Variants in ROR2 observed in about 807,000 individuals in gnomAD.
The protein encoded by ROR2 is tyrosine-protein kinase transmembrane receptor ROR2.
ROR2 carries 33 observed loss-of-function variants against 74.9 expected under a neutral mutation model. That is an observed-to-expected ratio of 0.44 (90% CI 0.33 to 0.59). ROR2 has a LOEUF of 0.59. Among genes scored for constraint, ROR2 ranks in the 20% least tolerant of loss-of-function variants. ROR2 has a pLI of 0.02. For synonymous variants in ROR2, 586 were observed against 558.7 expected, an observed-to-expected ratio of 1.05 and a Z score of -0.69; for missense variants, 1,216 against 1,313.8, an observed-to-expected ratio of 0.93 and a Z score of 1.15.
chr9:91,724,471 T>C lies in ROR2; in HGVS notation c.2023A>G (p.Ile675Val), dbSNP rs1836933424. The C allele has an allele frequency of 6.2e-7, 1 of 1,614,036 alleles. No homozygotes were observed. The highest frequency in any genetic ancestry group is 1.1e-5 in the South Asian group (1 of 91,088). ...CACAGGACCACACCGTAGGACCAGA[T>C]GTCTGAGTCGATGGAGAACTTGCCG... ...MYGKFSIDSD[I>V]WSYGVVLWEV... The change falls in exon 9 of 9, where the codon ATC (isoleucine) becomes GTC (valine). Residue 675 changes from isoleucine (I) to valine (V), a missense_variant. Coordinates refer to ENST00000375708, the MANE Select transcript of ROR2 (RefSeq NM_004560.4).
chr9:91,866,283 C>T (rs1177421582), intron 1 of ROR2, among the ~76,000 whole-genome samples: 1 of 151,734 alleles, frequency 6.6e-6, no homozygotes, highest in Non-Finnish European at 1.5e-5. Flanking sequence ...CCACACCCAG[C>T]TAATTTTTAT....
At chr9:91,908,863 T>C (rs1009734592) in intron 1 of ROR2, among the ~76,000 whole-genome samples, 4 of 152,162 alleles carry the variant, frequency 2.6e-5, no homozygotes, top group African/African-American at 9.6e-5. Context: ...ATTTTCATTA[T>C]GAAAACCCAT....
chr9:91,914,224 A>G (rs1831066774), intron 1 of ROR2, among the ~76,000 whole-genome samples: 1 of 152,092 alleles, frequency 6.6e-6, no homozygotes. Flanking sequence ...GGGCCATCCT[A>G]TCACTTGGTT....
intron 1 of ROR2, among the ~76,000 whole-genome samples, chr9:91,825,096 G>T (rs1372906519): frequency 1.3e-5 from 2 of 152,210 alleles, no homozygotes; most frequent in Admixed American, 6.5e-5. Flanking sequence ...AGACATGGGG[G>T]CCAACAAGAA....
intron 2 of ROR2, among the ~76,000 whole-genome samples, chr9:91,761,894 A>G (rs1336058640): frequency 6.6e-6 from 1 of 152,106 alleles, no homozygotes. Flanking sequence ...CTGTTTTCCC[A>G]CACATAGCTA....
intron 1 of ROR2, among the ~76,000 whole-genome samples, chr9:91,815,171 G>C (rs1032798613): frequency 4.6e-5 from 7 of 152,210 alleles, no homozygotes; most frequent in African/African-American, 1.7e-4. Flanking sequence ...TGGTTATATA[G>C]ATTATGTTTC....
Position 91,844,823 on chromosome 9 carries a change from T to A in ROR2, c.98-69005A>T, listed in dbSNP as rs1828877120. Among the ~76,000 whole-genome samples, 2 of 152,100 alleles carry A rather than the reference T, an allele frequency of 1.3e-5. 1 individual carries two copies. Among genetic ancestry groups the A allele is most frequent in the South Asian group, 4.1e-4 (2 of 4,824 alleles). On this transcript the variant is annotated intron_variant, in intron 1 of 8. Coordinates refer to ENST00000375708, the MANE Select transcript of ROR2 (RefSeq NM_004560.4). ...TGATTTTCTATACTCCCCCACGGTA[T>A]ACAGAATAGCAAGCCTCGCCCCAGG...
At chr9:91,927,257 T>C (rs1189069234) in intron 1 of ROR2, among the ~76,000 whole-genome samples, 1 of 152,118 alleles carries the variant, frequency 6.6e-6, no homozygotes, top group Non-Finnish European at 1.5e-5. Flanking sequence ...AAAACCAGGA[T>C]CTTAAGGTCA....
At chr9:91,741,208 G>T (rs1825225185) in intron 4 of ROR2, among the ~76,000 whole-genome samples, 1 of 151,806 alleles carries the variant, frequency 6.6e-6, no homozygotes, top group South Asian at 2.1e-4. Flanking sequence ...GCTGAGGCAG[G>T]GGAATCGCTT....
In ROR2 at chr9:91,826,795, G is replaced by A. The variant is rs140958980; in HGVS notation, c.98-50977C>T. 5.3e-3 allele frequency among the ~76,000 whole-genome samples: 668 copies of A among 125,194 alleles called. 16 individuals are homozygous for A. The highest frequency in any genetic ancestry group is 7.0e-3 in the African/African-American group (213 of 30,514). The allele number at this position is 125,194 out of a possible 152,430, so 82.1% of individuals were successfully genotyped here. A position where few individuals can be genotyped will look rare whatever the true frequency, so the allele number is the denominator to read the frequency against. ...AGAGACTCCGTCTCAAAAAAAAAAA[G>A]AAAAAAGAAAAAAGAAAAAAGAATG... On this transcript the variant is annotated intron_variant, in intron 1 of 8. Coordinates refer to ENST00000375708, the MANE Select transcript of ROR2 (RefSeq NM_004560.4).
chr9:91,934,110 G>C (rs1564049416), intron 1 of ROR2, among the ~76,000 whole-genome samples: 1 of 152,090 alleles, frequency 6.6e-6, no homozygotes, highest in Non-Finnish European at 1.5e-5. Flanking sequence ...TATGGATGCG[G>C]GGGGGCGAGT....
At chr9:91,846,836 C>T (rs536502513) in intron 1 of ROR2, among the ~76,000 whole-genome samples, 1 of 152,304 alleles carries the variant, frequency 6.6e-6, no homozygotes, top group African/African-American at 2.4e-5. Context: ...TCAGGTACCA[C>T]TCCGTTGCCT....
chr9:91,816,739 T>C (rs941427031), intron 1 of ROR2, among the ~76,000 whole-genome samples: 1 of 125,310 alleles, frequency 8.0e-6, no homozygotes, highest in African/African-American at 3.0e-5. Context: ...GTTCTACATA[T>C]TTCCAGAGAT....
chr9:91,832,270 G>A (rs1181357805), intron 1 of ROR2, among the ~76,000 whole-genome samples: 1 of 141,846 alleles, frequency 7.0e-6, no homozygotes, highest in African/African-American at 2.6e-5. Flanking sequence ...ACTAGCGACA[G>A]AAGAAATATC....
At chr9:91,826,013 G>GC (rs1199563141) in intron 1 of ROR2, among the ~76,000 whole-genome samples, 1 of 152,132 alleles carries the variant, frequency 6.6e-6, no homozygotes, top group Non-Finnish European at 1.5e-5. Flanking sequence ...GGGTGGCTTC[G>GC]CCCCCCTGCC....
intron 4 of ROR2, among the ~76,000 whole-genome samples, chr9:91,748,799 G>A (rs1825512288): frequency 6.6e-6 from 1 of 152,238 alleles, no homozygotes; most frequent in Non-Finnish European, 1.5e-5. Context: ...TTGGGAGGCT[G>A]AGGCGTGTGG....
intron 1 of ROR2, among the ~76,000 whole-genome samples, chr9:91,851,358 AAAAAAAAAAGAAAAG>A (rs1271120264): frequency 6.6e-6 from 1 of 151,886 alleles, no homozygotes; most frequent in Non-Finnish European, 1.5e-5. Context: ...CGTCTCAAAA[AAAAAAAAAAGAAAAG>A]AAAAGAAAAA....
Position 91,944,781 on chromosome 9 carries a change from G to A in ROR2, c.97+5086C>T, listed in dbSNP as rs141848866. Among the ~76,000 whole-genome samples the A allele has an allele frequency of 1.1e-3, 169 of 152,056 alleles. 2 individuals carry two copies. Among genetic ancestry groups the A allele is most frequent in the African/African-American group, 3.7e-3 (155 of 41,492 alleles). ...GACAATACTGTTAAGATGATGGCCAGTGAGGTGGCTCATGCCTACGATCCC... is the reference window on the plus strand; with the variant it reads ...GACAATACTGTTAAGATGATGGCCAATGAGGTGGCTCATGCCTACGATCCC... On this transcript the variant is annotated intron_variant, in intron 1 of 8. Transcript: ENST00000375708.
At chr9:91,819,333 C>G (rs1238767041) in intron 1 of ROR2, among the ~76,000 whole-genome samples, 1 of 152,216 alleles carries the variant, frequency 6.6e-6, no homozygotes, top group Non-Finnish European at 1.5e-5. Flanking sequence ...AGATGCCAAC[C>G]TTCGGGGCTA....
Sources: allele counts gnomAD v4.1 joint callset (sites outside exome capture counted in the v4.1 genomes callset), GRCh38; gene constraint gnomAD v4.1.1; transcripts MANE v1.5; gene names NCBI Gene and HGNC (gene_info 2026-07-23, HGNC 2026-07-21).